Variants in LIPJ observed in about 807,000 individuals in gnomAD.
The protein encoded by LIPJ is lipase member J.
In LIPJ, 33 loss-of-function variants were observed where a neutral mutation model predicts 39.8. The observed-to-expected ratio is 0.83, with a 90% CI of 0.63 to 1.11. The LOEUF (loss-of-function observed/expected upper bound fraction) is 1.11, where lower values mean the gene tolerates loss of function less well. Ranked by LOEUF, LIPJ falls within the 50% of genes least tolerant of loss-of-function variation. LIPJ has a pLI of 0.00. For missense variants in LIPJ, 422 were observed against 427.9 expected, an observed-to-expected ratio of 0.99 and a Z score of 0.12; for synonymous variants, 128 against 139.2, an observed-to-expected ratio of 0.92 and a Z score of 0.57.
chr10:88,585,226 G>A (rs571760211), upstream of LIPJ, among the ~76,000 whole-genome samples: 13 of 152,294 alleles, frequency 8.5e-5, no homozygotes, highest in African/African-American at 3.1e-4. Flanking sequence ...CATCTCAACG[G>A]TGAAGCAAGG....
chr10:88,594,542 G>A lies in LIPJ; in HGVS notation c.330-125G>A, dbSNP rs188761368. The A allele has an allele frequency of 4.3e-3, 2,132 of 497,712 alleles. 11 individuals are homozygous for A. The highest frequency in any genetic ancestry group is 8.3e-3 in the Middle Eastern group (16 of 1,936). The allele number at this position is 497,712 out of a possible 1,614,324, so 30.8% of individuals were successfully genotyped here. A position where few individuals can be genotyped will look rare whatever the true frequency, so the allele number is the denominator to read the frequency against. On this transcript the variant is annotated intron_variant, in intron 5 of 10. Transcript: ENST00000371939. ...CTCTATTCAGAAGATATATTATACCGTATAACTTCCTTATTAATAACTAGA... is the reference window on the plus strand; with the variant it reads ...CTCTATTCAGAAGATATATTATACCATATAACTTCCTTATTAATAACTAGA...
rs769291206 is a variant in LIPJ at position 88,605,743 on chromosome 10, T to G, written c.867+39T>G. ...TATAAAAACTCTCTACCTTACTGACTTTTTCAGATAACTTTGCTATAGATC... is the reference window on the plus strand; with the variant it reads ...TATAAAAACTCTCTACCTTACTGACGTTTTCAGATAACTTTGCTATAGATC... On this transcript the variant is annotated intron_variant, in intron 10 of 10. Transcript: ENST00000371939. 252 of 1,328,848 alleles carry G rather than the reference T, an allele frequency of 1.9e-4. 3 individuals carry two copies. In the South Asian group the frequency reaches 2.8e-3, roughly 15 times the overall value. 82.3% of individuals were successfully genotyped at this position (1,328,848 alleles called of 1,614,324 possible).
In LIPJ at chr10:88,586,849, A is replaced by G. The variant is rs928532401; in HGVS notation, c.-231+4A>G. On this transcript the variant is annotated splice_donor_region_variant and intron_variant, in intron 1 of 10. Transcript: ENST00000371939. Reference sequence around the variant, plus strand: ...TTAAATGAAGATAGACCGGATGGTAATTCAGTTGGATAATGATCAGTGACG... The same window carrying G: ...TTAAATGAAGATAGACCGGATGGTAGTTCAGTTGGATAATGATCAGTGACG... The G allele has an allele frequency of 6.6e-6, 1 of 152,134 alleles. No homozygotes were observed. The highest frequency in any genetic ancestry group is 2.1e-4 in the South Asian group (1 of 4,830). 9.4% of individuals were successfully genotyped at this position (152,134 alleles called of 1,614,324 possible).
intron 8 of LIPJ, among the ~76,000 whole-genome samples, chr10:88,600,680 A>C (rs1408955422): frequency 2.6e-5 from 4 of 152,044 alleles, no homozygotes; most frequent in Non-Finnish European, 5.9e-5. Flanking sequence ...ATTGCAGGGG[A>C]CTGTGAATAG....
the LIPJ span, among the ~76,000 whole-genome samples, chr10:88,620,552 G>A: frequency 2.0e-5 from 3 of 152,136 alleles, no homozygotes; most frequent in African/African-American, 7.2e-5. Context: ...TACACAAAAG[G>A]ATGCTCAACA....
At chr10:88,604,098 G>A (rs985768367) in intron 9 of LIPJ, among the ~76,000 whole-genome samples, 1 of 152,136 alleles carries the variant, frequency 6.6e-6, no homozygotes, top group Non-Finnish European at 1.5e-5. Context: ...CTATTATAAT[G>A]TGTTAGAAGG....
the LIPJ span, among the ~76,000 whole-genome samples, chr10:88,613,878 T>A: frequency 6.1e-5 from 9 of 146,534 alleles, no homozygotes; most frequent in South Asian, 1.9e-3. Flanking sequence ...ATCTTATATA[T>A]GTTACATATA....
At chr10:88,594,290 A>T in intron 5 of LIPJ, 146 bp downstream of exon 5, 2 of 630,426 alleles carry the variant, frequency 3.2e-6, no homozygotes, top group Non-Finnish European at 5.4e-6. Flanking sequence ...TTTTTGCTTG[A>T]AAATTAAAGA....
At chr10:88,596,540 C>A (rs1272196258) in intron 7 of LIPJ, 124 bp downstream of exon 7, 3 of 1,035,696 alleles carry the variant, frequency 2.9e-6, no homozygotes, top group Non-Finnish European at 4.1e-6. Flanking sequence ...GTTTCATTTA[C>A]ACTACATTCT....
intron 5 of LIPJ, 175 bp downstream of exon 5, chr10:88,594,319 G>T: frequency 1.7e-6 from 1 of 579,326 alleles, no homozygotes; most frequent in Non-Finnish European, 3.0e-6. Context: ...GTGATTTTGA[G>T]TTTGATTCTT....
At chr10:88,619,923 A>C in the LIPJ span, among the ~76,000 whole-genome samples, 1 of 152,062 alleles carries the variant, frequency 6.6e-6, no homozygotes, top group Non-Finnish European at 1.5e-5. Context: ...AAAAATTAAA[A>C]ACTTCTGCAT....
downstream of LIPJ, among the ~76,000 whole-genome samples, chr10:88,611,713 A>C (rs947951677): frequency 2.6e-5 from 4 of 152,198 alleles, no homozygotes; most frequent in African/African-American, 9.6e-5. Context: ...TCCATACAAG[A>C]CAAAGAAAAA....
intron 4 of LIPJ, 191 bp from the exon 5 acceptor site, chr10:88,593,755 C>T (rs1564932304): frequency 2.2e-6 from 1 of 446,622 alleles, no homozygotes; most frequent in Non-Finnish European, 4.0e-6. Flanking sequence ...ATTTGAAAGA[C>T]ATCCATTAGT....
chr10:88,615,650 A>C, the LIPJ span, among the ~76,000 whole-genome samples: 1 of 132,210 alleles, frequency 7.6e-6, no homozygotes, highest in South Asian at 2.8e-4. Context: ...AAAAAAAAAA[A>C]ACAGAAAGAA....
chr10:88,596,726 C>T (rs887981704), intron 7 of LIPJ, 64 bp from the exon 8 acceptor site: 11 of 1,349,458 alleles, frequency 8.2e-6, no homozygotes, highest in South Asian at 1.3e-5. Context: ...AGTGAATTAC[C>T]ACAACATTTC....
intron 8 of LIPJ, among the ~76,000 whole-genome samples, chr10:88,598,176 G>C (rs1851326609): frequency 6.6e-6 from 1 of 151,972 alleles, no homozygotes; most frequent in Non-Finnish European, 1.5e-5. Context: ...GCTTGAATCA[G>C]TCTCTTGAGC....
chr10:88,593,982 T>C (rs575151481), exon 5 of LIPJ: 15 of 1,612,218 alleles, frequency 9.3e-6, no homozygotes, highest in Non-Finnish European at 1.3e-5. Flanking sequence ...CATGGTTTGC[T>C]TACATCTGCC....
upstream of LIPJ, chr10:88,583,300 C>G: frequency 6.8e-7 from 1 of 1,477,036 alleles, no homozygotes; most frequent in Non-Finnish European, 8.9e-7. Context: ...TCCGTGCTCC[C>G]TGGGCCGACC....
chr10:88,607,012 G>A, downstream of LIPJ: 1 of 1,256,600 alleles, frequency 8.0e-7, no homozygotes, highest in Non-Finnish European at 1.0e-6. Flanking sequence ...AACTAAATAT[G>A]TAGTTTTTTC....
Sources: gnomAD v4.1 joint callset for allele counts (sites outside exome capture counted in the v4.1 genomes callset) on GRCh38, gnomAD v4.1.1 for gene constraint, MANE v1.5 for transcripts, NCBI Gene and HGNC (gene_info 2026-07-23, HGNC 2026-07-21) for gene names.